The following ZNF385D variants were observed in gnomAD, a reference collection of about 807,000 sequenced individuals.
ZNF385D encodes the protein zinc finger protein 659.
In ZNF385D, 15 loss-of-function variants were observed where a neutral mutation model predicts 35.8. That is an observed-to-expected ratio of 0.42 (90% confidence interval 0.28 to 0.64). The LOEUF (loss-of-function observed/expected upper bound fraction) is 0.64. Among genes scored for constraint, ZNF385D ranks in the 30% least tolerant of loss-of-function variants. The probability of loss-of-function intolerance (pLI) is 0.23; values close to 1 mark genes in which losing one functional copy is unlikely to be tolerated. For missense variants in ZNF385D, 474 were observed against 494.6 expected (o/e 0.96, Z 0.39); for synonymous variants, 212 against 186.8 (o/e 1.13, Z -1.10).
At chr3:21,585,062 T>C (rs75536370) in intron 2 of ZNF385D, among the ~76,000 whole-genome samples, 15 of 140,014 alleles carry the variant, frequency 1.1e-4, no homozygotes, top group Non-Finnish European at 2.0e-4. Context: ...GTGCCAGTTT[T>C]TGAAATATAA....
At chr3:22,259,280 T>C (rs1024415712) in intron 2 of ZNF385D, among the ~76,000 whole-genome samples, 9 of 151,956 alleles carry the variant, frequency 5.9e-5, no homozygotes, top group African/African-American at 2.2e-4. Flanking sequence ...ATTGGGGAGT[T>C]GTTTACCTCA....
At chr3:21,939,276 A>G (rs1479036652) in intron 3 of ZNF385D, among the ~76,000 whole-genome samples, 2 of 152,232 alleles carry the variant, frequency 1.3e-5, no homozygotes, top group African/African-American at 4.8e-5. Flanking sequence ...TAATATGAAC[A>G]TAATTGCATT....
At chr3:21,799,245 C>T (rs772082645) in intron 3 of ZNF385D, among the ~76,000 whole-genome samples, 3 of 152,140 alleles carry the variant, frequency 2.0e-5, no homozygotes, top group Non-Finnish European at 2.9e-5. Context: ...GGGAATAGTG[C>T]TGCTATAAAT....
chr3:21,761,868 CCTTTT>C lies in ZNF385D; in HGVS notation c.326-96845_326-96841del, dbSNP rs1453152453. Among the ~76,000 whole-genome samples, 448 of 102,914 alleles carry C rather than the reference CCTTTT, an allele frequency of 4.4e-3. 11 individuals carry two copies. Among genetic ancestry groups the C allele is most frequent in the African/African-American group, 0.015 (429 of 27,722 alleles). The allele number at this position is 102,914 out of a possible 152,430, so 67.5% of individuals were successfully genotyped here. On this transcript the variant is annotated intron_variant, in intron 3 of 5. Coordinates refer to the ZNF385D transcript ENST00000494108. ...ATTATGATTTCAAGAGCATTTTCTT[CCTTTT>C]TTTTTTTTTTTTTTTTTTTTTTTTG...
chr3:22,169,366 T>C (rs183120142), intron 2 of ZNF385D, among the ~76,000 whole-genome samples: 185 of 152,330 alleles, frequency 1.2e-3, no homozygotes, highest in Non-Finnish European at 3.8e-4. Context: ...TTAAACAACT[T>C]GTCTAAGGTC....
chr3:22,336,908 T>TAAAAAAAAAAAAA (rs1559527421), intron 2 of ZNF385D, among the ~76,000 whole-genome samples: 2 of 1,052 alleles, frequency 1.9e-3, no homozygotes, highest in Non-Finnish European at 5.4e-3. Context: ...CAGTGATTTT[T>TAAAAAAAAAAAAA]CAAAAAAAAA....
At chr3:22,219,573 T>A (rs1023301727) in intron 2 of ZNF385D, among the ~76,000 whole-genome samples, 2 of 152,122 alleles carry the variant, frequency 1.3e-5, no homozygotes, top group Non-Finnish European at 2.9e-5. Flanking sequence ...GTACTGTAGG[T>A]CCCTAATCCT....
At chr3:21,940,190 T>G (rs1044155104) in intron 3 of ZNF385D, among the ~76,000 whole-genome samples, 1 of 152,158 alleles carries the variant, frequency 6.6e-6, no homozygotes, top group Admixed American at 6.5e-5. Flanking sequence ...TATTTCTCTA[T>G]TCCTTTTTTC....
intron 3 of ZNF385D, among the ~76,000 whole-genome samples, chr3:22,083,074 G>A (rs544905424): frequency 5.3e-5 from 8 of 152,266 alleles, no homozygotes; most frequent in Admixed American, 2.6e-4. Context: ...TCATCTGTAG[G>A]TCACCATCAT....
chr3:21,897,935 T>A (rs259492), intron 3 of ZNF385D, among the ~76,000 whole-genome samples: 54,279 of 151,788 alleles, frequency 0.36, 10,117 homozygotes, highest in East Asian at 0.45. Context: ...TGTTAGTTTT[T>A]AAAAAACTGA....
At chr3:21,925,360 A>G (rs1700675477) in intron 3 of ZNF385D, among the ~76,000 whole-genome samples, 1 of 152,198 alleles carries the variant, frequency 6.6e-6, no homozygotes, top group Admixed American at 6.5e-5. Flanking sequence ...ACCAATTTTT[A>G]ACAAAGATGC....
chr3:22,360,670 T>G (rs1696369765), intron 2 of ZNF385D, among the ~76,000 whole-genome samples: 1 of 152,020 alleles, frequency 6.6e-6, no homozygotes, highest in Non-Finnish European at 1.5e-5. Context: ...CAAGTCCTCA[T>G]ATGCCCTATT....
chr3:21,890,175 T>G (rs1352674640), intron 3 of ZNF385D, among the ~76,000 whole-genome samples: 1 of 152,172 alleles, frequency 6.6e-6, no homozygotes, highest in African/African-American at 2.4e-5. Context: ...TAATATTATG[T>G]GCAGGTTATA....
chr3:22,083,985 C>G (rs1302194348), intron 3 of ZNF385D, among the ~76,000 whole-genome samples: 3 of 152,094 alleles, frequency 2.0e-5, no homozygotes, highest in Admixed American at 2.0e-4. Context: ...CCAAACTAAG[C>G]TTCATACGTG....
intron 3 of ZNF385D, among the ~76,000 whole-genome samples, chr3:22,167,663 G>T (rs1706424249): frequency 6.6e-6 from 1 of 152,182 alleles, no homozygotes; most frequent in South Asian, 2.1e-4. Flanking sequence ...GTGGGCCGAG[G>T]CAGAGCAAGG....
intron 3 of ZNF385D, among the ~76,000 whole-genome samples, chr3:21,768,367 G>C (rs2070921996): frequency 6.6e-6 from 1 of 151,828 alleles, no homozygotes; most frequent in African/African-American, 2.4e-5. Context: ...GAGGATCCTG[G>C]GAAGTAGCAG....
intron 3 of ZNF385D, among the ~76,000 whole-genome samples, chr3:21,985,105 T>C (rs2125380665): frequency 8.1e-6 from 1 of 123,686 alleles, no homozygotes; most frequent in East Asian, 2.4e-4. Flanking sequence ...AATCATGTCG[T>C]CTGCAAACAG....
intron 2 of ZNF385D, among the ~76,000 whole-genome samples, chr3:21,620,987 T>C (rs1348962010): frequency 6.6e-6 from 1 of 151,366 alleles, no homozygotes; most frequent in African/African-American, 2.4e-5. Context: ...GGCATGCACA[T>C]GTGTGTGTGC....
At chr3:21,488,941 G>A (rs1705220022) in intron 4 of ZNF385D, among the ~76,000 whole-genome samples, 1 of 152,246 alleles carries the variant, frequency 6.6e-6, no homozygotes, top group South Asian at 2.1e-4. Context: ...GGATACCATT[G>A]TTGCCGCTAG....
Sources: gnomAD v4.1 joint callset for allele counts (sites outside exome capture counted in the v4.1 genomes callset) on GRCh38, gnomAD v4.1.1 for gene constraint, MANE v1.5 for transcripts, NCBI Gene and HGNC (gene_info 2026-07-23, HGNC 2026-07-21) for gene names.